Variants in OPN3 observed in about 807,000 individuals in gnomAD.
OPN3 encodes the protein opsin 3, also known as opsin-3.
In OPN3, 29 loss-of-function variants were observed where a neutral mutation model predicts 33.8. The observed-to-expected ratio is 0.86, with a 90% CI of 0.64 to 1.17. The LOEUF (loss-of-function observed/expected upper bound fraction) is 1.17, where lower values mean the gene tolerates loss of function less well. Ranked by LOEUF, OPN3 falls within the 50% of genes most tolerant of loss-of-function variation. OPN3 has a pLI of 0.00. For missense variants in OPN3, 437 were observed against 514.1 expected, an observed-to-expected ratio of 0.85 and a Z score of 1.45; for synonymous variants, 216 against 216.1, an observed-to-expected ratio of 1.00 and a Z score of 0.00.
chr1:241,634,198 T>C lies in OPN3; in HGVS notation c.373+5684A>G, dbSNP rs187777115. ...GAGTGAATAATTTCTTCACCACTGA[T>C]TCTAAGTCTTCTCTTGCTGTTTTAG... On this transcript the variant is annotated intron_variant, in intron 1 of 3. Transcript: ENST00000366554. 1.0e-3 allele frequency: 1,667 copies of C among 1,614,004 alleles called. 21 individuals are homozygous for C. Among genetic ancestry groups the C allele is most frequent in the Non-Finnish European group, 8.1e-5 (96 of 1,179,890 alleles).
At chr1:241,623,965 C>A (rs1251625494) in intron 1 of OPN3, among the ~76,000 whole-genome samples, 1 of 152,156 alleles carries the variant, frequency 6.6e-6, no homozygotes, top group Non-Finnish European at 1.5e-5. Flanking sequence ...GACACTGGAC[C>A]CTCTTCCACC....
At chr1:241,595,659 TTTTG>T (rs921356202) in intron 3 of OPN3, 30 of 152,342 alleles carry the variant, frequency 2.0e-4, no homozygotes, top group Admixed American at 1.5e-3. Context: ...TTTCTGTCTT[TTTTG>T]TTTGTTTTTT....
intron 2 of OPN3, among the ~76,000 whole-genome samples, chr1:241,603,233 G>A (rs1408517514): frequency 6.6e-6 from 1 of 152,136 alleles, no homozygotes. Flanking sequence ...AAGAATCAGT[G>A]GTTTGTGTAA....
chr1:241,625,663 C>T (rs1220078063), intron 1 of OPN3, among the ~76,000 whole-genome samples: 3 of 152,170 alleles, frequency 2.0e-5, no homozygotes, highest in South Asian at 2.1e-4. Flanking sequence ...GGGAAGGTAG[C>T]GGGGAACTGG....
In OPN3 at chr1:241,594,817, G is replaced by C. The variant is rs762830465; in HGVS notation, c.946-126C>G. Reference sequence around the variant, plus strand: ...TGTTTGTTAGCAGGTGTGGATGTGGGGTTATGTGGTCATGCTCAGATCTAC... The same window carrying C: ...TGTTTGTTAGCAGGTGTGGATGTGGCGTTATGTGGTCATGCTCAGATCTAC... On this transcript the variant is annotated intron_variant, in intron 3 of 3. Transcript: ENST00000366554. The C allele has an allele frequency of 2.9e-6, 3 of 1,022,422 alleles. No individual in the cohort carries two copies. The African/African-American group carries it at 4.8e-5, about 16-fold the overall frequency. The allele number at this position is 1,022,422 out of a possible 1,614,324, so 63.3% of individuals were successfully genotyped here. A position where few individuals can be genotyped will look rare whatever the true frequency, so the allele number is the denominator to read the frequency against.
At chr1:241,603,114 T>C (rs926364064) in intron 2 of OPN3, among the ~76,000 whole-genome samples, 18 of 151,906 alleles carry the variant, frequency 1.2e-4, no homozygotes, top group Non-Finnish European at 2.4e-4. Flanking sequence ...AGAAAATTAT[T>C]AAGAAGTGTC....
intron 2 of OPN3, among the ~76,000 whole-genome samples, chr1:241,598,869 A>G (rs1184890481): frequency 6.6e-6 from 1 of 152,210 alleles, no homozygotes; most frequent in Non-Finnish European, 1.5e-5. Context: ...AAAAATACAA[A>G]TACTCTATAT....
chr1:241,616,831 C>T (rs1054983539), intron 1 of OPN3, among the ~76,000 whole-genome samples: 19 of 152,140 alleles, frequency 1.2e-4, no homozygotes, highest in Admixed American at 2.6e-4. Flanking sequence ...GAATGTAAAA[C>T]AAGGCCAACT....
intron 1 of OPN3, among the ~76,000 whole-genome samples, chr1:241,622,755 CT>C (rs1371889010): frequency 6.6e-6 from 1 of 152,246 alleles, no homozygotes; most frequent in Non-Finnish European, 1.5e-5. Flanking sequence ...ACACTTCTCT[CT>C]TCTGCATCAT....
At chr1:241,596,629 C>T (rs1435177819) in intron 3 of OPN3, among the ~76,000 whole-genome samples, 1 of 152,212 alleles carries the variant, frequency 6.6e-6, no homozygotes, top group South Asian at 2.1e-4. Flanking sequence ...TTAGAAGTCA[C>T]AGTGATTATT....
intron 1 of OPN3, among the ~76,000 whole-genome samples, chr1:241,639,517 T>G (rs2148033937): frequency 6.6e-6 from 1 of 152,200 alleles, no homozygotes; most frequent in African/African-American, 2.4e-5. Flanking sequence ...CCTCGTCTCT[T>G]TCCTCAAAGT....
chr1:241,621,334 G>A (rs974612469), intron 1 of OPN3, among the ~76,000 whole-genome samples: 2 of 152,104 alleles, frequency 1.3e-5, no homozygotes, highest in Non-Finnish European at 2.9e-5. Flanking sequence ...TAAGTCAAGG[G>A]ACAACTGGGG....
chr1:241,630,581 TTCC>T (rs1664592862), intron 1 of OPN3: 1 of 152,108 alleles, frequency 6.6e-6, no homozygotes, highest in Admixed American at 6.6e-5. Context: ...TTTCCTTATC[TTCC>T]TCATTTTGTG....
chr1:241,602,398 G>A (rs927582381), intron 2 of OPN3, among the ~76,000 whole-genome samples: 5 of 152,166 alleles, frequency 3.3e-5, no homozygotes, highest in African/African-American at 4.8e-5. Flanking sequence ...CAGTGCGGTA[G>A]AGGAAGGAGT....
chr1:241,601,927 T>G (rs1663688551), intron 2 of OPN3, among the ~76,000 whole-genome samples: 1 of 152,194 alleles, frequency 6.6e-6, no homozygotes, highest in African/African-American at 2.4e-5. Flanking sequence ...AGGGAAAATA[T>G]GACAAATTAA....
intron 1 of OPN3, among the ~76,000 whole-genome samples, chr1:241,615,052 G>A (rs1373184987): frequency 1.3e-5 from 2 of 152,074 alleles, no homozygotes; most frequent in Non-Finnish European, 2.9e-5. Flanking sequence ...ATGCAAAAAA[G>A]GATCATTATT....
rs376508772 is a variant in OPN3 at position 241,594,438 on chromosome 1, C to T, written c.1199G>A (p.Arg400His). 2.1e-5 allele frequency: 34 copies of T among 1,612,008 alleles called. No individual in the cohort carries two copies. The highest frequency in any genetic ancestry group is 2.6e-5 in the Non-Finnish European group (31 of 1,178,358). The part of the protein sequence containing the change: ...NGSKVDVIQV[R>H]PL ...TGCCATTCTTCATTCCTACAAAGGA[C>T]GAACTTGGATTACATCAACTTTGGA... Residue 400 changes from arginine (R) to histidine (H), a missense_variant, in exon 4 of 4, where the codon CGT becomes CAT. Transcript: ENST00000366554.
chr1:241,600,365 G>A (rs1023209644), intron 2 of OPN3: 2 of 151,726 alleles, frequency 1.3e-5, no homozygotes, highest in African/African-American at 4.8e-5. Flanking sequence ...TAAAAAACTC[G>A]ATTTCATGTC....
chr1:241,598,193 C>T (rs1325172668), intron 2 of OPN3, among the ~76,000 whole-genome samples, 196 bp from the exon 3 acceptor site: 5 of 152,144 alleles, frequency 3.3e-5, no homozygotes, highest in Non-Finnish European at 4.4e-5. Context: ...GCCTCAGTCT[C>T]CCCACTTACA....
Sources: allele counts gnomAD v4.1 joint callset (sites outside exome capture counted in the v4.1 genomes callset), GRCh38; gene constraint gnomAD v4.1.1; transcripts MANE v1.5; gene names NCBI Gene and HGNC (gene_info 2026-07-23, HGNC 2026-07-21).